BEND4: variants seen among roughly 807,000 people sequenced by gnomAD.
BEND4 encodes BEN domain containing 4, also known as BEN domain-containing protein 4.
Under a neutral mutation model 54.7 loss-of-function variants are expected in BEND4, and 27 were observed. That is an observed-to-expected ratio of 0.49 (90% confidence interval 0.36 to 0.68). The LOEUF (loss-of-function observed/expected upper bound fraction) is 0.68. Among genes scored for constraint, BEND4 ranks in the 30% least tolerant of loss-of-function variants. BEND4 has a pLI of 0.00. For synonymous variants in BEND4, 327 were observed against 299.5 expected (o/e 1.09, Z -0.95); for missense variants, 702 against 697.2 (o/e 1.01, Z -0.08).
Position 42,143,855 on chromosome 4 carries a change from G to C in BEND4, c.627C>G (p.Asn209Lys). Reference protein sequence around the residue: ...SCVKQEGSSYNERQEHCHIGK... With the variant: ...SCVKQEGSSYKERQEHCHIGK... ...CAATGTGACAGTGCTCCTGTCTTTC[G>C]TTGTAACTTGAGCCTTCCTGCTTTA... is the stretch of plus-strand genomic sequence containing the variant. The change falls in exon 3 of 6, where the codon AAC (asparagine) becomes AAG (lysine). Residue 209 changes from asparagine to lysine, a missense_variant. Asn to Lys is a moderately conservative substitution (Grantham distance 94). Transcript: ENST00000502486. The C allele has an allele frequency of 2.6e-6, 4 of 1,558,246 alleles. No homozygotes were observed. Among genetic ancestry groups the C allele is most frequent in the Non-Finnish European group, 2.6e-6 (3 of 1,155,054 alleles).
At position 42,112,556 on chromosome 4, in the gene BEND4, C is replaced by T. The variant is rs1411147174; in HGVS notation, c.*4962G>A. ...ATAAAAACACAGCCCTTATATCAGA[C>T]AGCTATAGAGAATTGTGAGGAAAAT... On this transcript the variant is annotated 3_prime_UTR_variant, in exon 6 of 6. Coordinates refer to ENST00000502486, the MANE Select transcript of BEND4 (RefSeq NM_207406.4). The T allele has an allele frequency of 1.3e-5, 2 of 152,150 alleles. No homozygotes were observed. The highest frequency in any genetic ancestry group is 2.9e-5 in the Non-Finnish European group (2 of 68,024). The allele number at this position is 152,150 out of a possible 1,614,324, so 9.4% of individuals were successfully genotyped here.
chr4:42,122,176 GC>G (rs2077810902), intron 4 of BEND4, among the ~76,000 whole-genome samples: 2 of 152,194 alleles, frequency 1.3e-5, no homozygotes, highest in Non-Finnish European at 2.9e-5. Context: ...CAAGCACTTT[GC>G]ACACTTCCCT....
intron 4 of BEND4, among the ~76,000 whole-genome samples, chr4:42,124,700 A>G (rs1172060118): frequency 6.6e-6 from 1 of 152,220 alleles, no homozygotes; most frequent in African/African-American, 2.4e-5. Context: ...AAGACAGAAG[A>G]TAACGAATAT....
chr4:42,121,628 C>T (rs890057453), intron 4 of BEND4, among the ~76,000 whole-genome samples: 3 of 152,132 alleles, frequency 2.0e-5, no homozygotes, highest in Non-Finnish European at 4.4e-5. Context: ...TGGCTGGGTA[C>T]AGTGGTGGAC....
In BEND4 at chr4:42,117,057, GAAGTC is replaced by G. The variant is rs1719866337; in HGVS notation, c.*456_*460del. 1 of 153,860 alleles carries G rather than the reference GAAGTC, an allele frequency of 6.5e-6. No homozygotes were observed. Among genetic ancestry groups the G allele is most frequent in the Non-Finnish European group, 1.4e-5 (1 of 69,346 alleles). The allele number at this position is 153,860 out of a possible 1,614,324, so 9.5% of individuals were successfully genotyped here. A position where few individuals can be genotyped will look rare whatever the true frequency, so the allele number is the denominator to read the frequency against. ...ATCCTATGTCTTTGCCGAGAAATAT[GAAGTC>G]AAGTCTTTGGAAAACATAAAGACAA... On this transcript the variant is annotated 3_prime_UTR_variant, in exon 6 of 6. Transcript: ENST00000502486.
At chr4:42,127,163 CAT>C (rs1283323839) in intron 3 of BEND4, among the ~76,000 whole-genome samples, 1 of 151,998 alleles carries the variant, frequency 6.6e-6, no homozygotes, top group East Asian at 1.9e-4. Flanking sequence ...CACAATGTAA[CAT>C]AATAAATCAA....
Position 42,148,058 on chromosome 4 carries a change from G to T in BEND4, c.487+3599C>A, listed in dbSNP as rs61116213. Among the ~76,000 whole-genome samples, 642 of 152,134 alleles carry T rather than the reference G, an allele frequency of 4.2e-3. 8 individuals carry two copies. The highest frequency in any genetic ancestry group is 0.015 in the African/African-American group (612 of 41,518). On this transcript the variant is annotated intron_variant, in intron 2 of 5. Transcript: ENST00000502486. ...TGCAGAAGCAGAAATTTTTTTTAGT[G>T]ACCTACTATCATGTATTCATATGTT...
chr4:42,145,550 G>C (rs1018163204), intron 2 of BEND4, among the ~76,000 whole-genome samples: 5 of 151,974 alleles, frequency 3.3e-5, no homozygotes, highest in African/African-American at 1.2e-4. Flanking sequence ...AAATTAGCTG[G>C]ACATGGTGGC....
rs927669553 is a variant in BEND4, at chr4:42,113,923, C to T, written c.*3595G>A. The T allele has an allele frequency of 3.9e-5, 6 of 152,106 alleles. No individual in the cohort carries two copies. The highest frequency in any genetic ancestry group is 7.4e-5 in the Non-Finnish European group (5 of 68,014). 9.4% of individuals were successfully genotyped at this position (152,106 alleles called of 1,614,324 possible). On this transcript the variant is annotated 3_prime_UTR_variant, in exon 6 of 6. Coordinates refer to ENST00000502486, the MANE Select transcript of BEND4 (RefSeq NM_207406.4). The stretch of plus-strand genomic sequence containing the variant: ...AAGCTTAATGAAACATAAATGGTAA[C>T]GGTCACCTAAATGCTGTGGTGGAAT...
At chr4:42,130,664 A>C (rs750021912) in intron 3 of BEND4, among the ~76,000 whole-genome samples, 2 of 152,170 alleles carry the variant, frequency 1.3e-5, no homozygotes, top group Non-Finnish European at 2.9e-5. Context: ...GCAACTCCTC[A>C]AAGACCTAGA....
At chr4:42,130,868 G>C (rs1226286512) in intron 3 of BEND4, among the ~76,000 whole-genome samples, 1 of 148,216 alleles carries the variant, frequency 6.7e-6, no homozygotes, top group African/African-American at 2.6e-5. Context: ...AAACACCATA[G>C]AATACTATGC....
At position 42,151,853 on chromosome 4, in the gene BEND4, A is replaced by AGCG. The variant is rs1433421383; in HGVS notation, c.288_290dup (p.Ala97dup). The stretch of plus-strand genomic sequence containing the variant: ...GCGTGCAGGACGGCGACGACGACGA[A>AGCG]GCGGCGGCGGCGGCCCGGCCGGGCC... On this transcript the variant is annotated inframe_insertion, in exon 2 of 6. Transcript: ENST00000502486. 1.5e-6 allele frequency: 2 copies of AGCG among 1,320,730 alleles called. No individual in the cohort carries two copies. The highest frequency in any genetic ancestry group is 1.9e-6 in the Non-Finnish European group (2 of 1,044,792). The allele number at this position is 1,320,730 out of a possible 1,614,324, so 81.8% of individuals were successfully genotyped here.
intron 3 of BEND4, among the ~76,000 whole-genome samples, chr4:42,131,131 G>A (rs1720492540): frequency 1.3e-5 from 2 of 152,264 alleles, no homozygotes; most frequent in East Asian, 1.9e-4. Context: ...TTATTGCGTA[G>A]GTGATGGGTT....
intron 3 of BEND4, among the ~76,000 whole-genome samples, chr4:42,133,450 G>A (rs1720579042): frequency 6.6e-6 from 1 of 152,182 alleles, no homozygotes; most frequent in Non-Finnish European, 1.5e-5. Context: ...TAGTCCTAAA[G>A]TAACTCTTGG....
In BEND4 at chr4:42,111,695, C is replaced by A. The variant is rs1406766459; in HGVS notation, c.*5823G>T. ...ATAAATTAAAACTCTCTCTTCCAAA[C>A]CAATCAGACTCATCAGCTCTAAAGC... On this transcript the variant is annotated 3_prime_UTR_variant, in exon 6 of 6. Coordinates refer to ENST00000502486, the MANE Select transcript of BEND4 (RefSeq NM_207406.4). 6.6e-6 allele frequency: 1 copy of A among 152,222 alleles called. No homozygotes were observed. The highest frequency in any genetic ancestry group is 1.5e-5 in the Non-Finnish European group (1 of 68,046). The allele number at this position is 152,222 out of a possible 1,614,324, so 9.4% of individuals were successfully genotyped here.
In BEND4 at chr4:42,143,475, A is replaced by C. The variant is rs1720960441; in HGVS notation, c.1007T>G (p.Leu336Arg). 2.3e-5 allele frequency: 35 copies of C among 1,552,260 alleles called. No homozygotes were observed. The highest frequency in any genetic ancestry group is 3.1e-5 in the Non-Finnish European group (35 of 1,147,130). The change falls in exon 3 of 6, where the codon CTG (leucine) becomes CGG (arginine). Residue 336 changes from leucine (L) to arginine (R), a missense_variant. Coordinates refer to ENST00000502486, the MANE Select transcript of BEND4 (RefSeq NM_207406.4). Reference protein sequence around the residue: ...CQELEQEVISLQQENEELRRK... With the variant: ...CQELEQEVISRQQENEELRRK... ...TCTGAGCTCTTCATTTTCTTGTTGC[A>C]GTGAAATAACCTCCTGCTCCAGCTC...
chr4:42,133,119 G>A (rs1399158974), intron 3 of BEND4, among the ~76,000 whole-genome samples: 1 of 152,172 alleles, frequency 6.6e-6, no homozygotes, highest in East Asian at 1.9e-4. Flanking sequence ...CAATAATACT[G>A]CCTAGTGTAA....
intron 3 of BEND4, among the ~76,000 whole-genome samples, chr4:42,138,825 A>G (rs1577761989): frequency 6.6e-6 from 1 of 152,326 alleles, no homozygotes; most frequent in South Asian, 2.1e-4. Context: ...AAAAATTACT[A>G]TATTTTATGA....
chr4:42,117,463 T>C lies in BEND4; in HGVS notation c.*55A>G, dbSNP rs1312644528. The C allele has an allele frequency of 7.8e-6, 10 of 1,286,346 alleles. No individual in the cohort carries two copies. Among genetic ancestry groups the C allele is most frequent in the Non-Finnish European group, 9.9e-6 (9 of 908,784 alleles). 79.7% of individuals were successfully genotyped at this position (1,286,346 alleles called of 1,614,324 possible). ...ACTCTCAGGTGACAGGAACAGGACA[T>C]TCACAATTGGAACTCTTGAGAGGAC... is the stretch of plus-strand genomic sequence containing the variant. On this transcript the variant is annotated 3_prime_UTR_variant, in exon 6 of 6. Transcript: ENST00000502486.
Sources: gnomAD v4.1 joint callset for allele counts (sites outside exome capture counted in the v4.1 genomes callset) on GRCh38, gnomAD v4.1.1 for gene constraint, MANE v1.5 for transcripts, NCBI Gene and HGNC (gene_info 2026-07-23, HGNC 2026-07-21) for gene names.